SPTLC3: variants seen among roughly 807,000 people sequenced by gnomAD.
SPTLC3 encodes serine palmitoyltransferase 3.
Under a neutral mutation model 59.3 loss-of-function variants are expected in SPTLC3, and 36 were observed. The ratio of observed to expected loss-of-function variants is 0.61; its 90% CI spans 0.47 to 0.80. The LOEUF is 0.80. Among genes scored for constraint, SPTLC3 ranks in the 30% least tolerant of loss-of-function variants. The pLI is 0.00. For synonymous variants in SPTLC3, 257 were observed against 240.8 expected (o/e 1.07, Z -0.62); for missense variants, 625 against 685.1 (o/e 0.91, Z 0.98).
At chr20:13,152,569 C>G (rs2038673306) in intron 9 of SPTLC3, among the ~76,000 whole-genome samples, 1 of 152,160 alleles carries the variant, frequency 6.6e-6, no homozygotes, top group Non-Finnish European at 1.5e-5. Context: ...CAGGTTAGGA[C>G]AAAGATGTAG....
At chr20:13,114,102 C>T (rs778878757) in intron 7 of SPTLC3, among the ~76,000 whole-genome samples, 7 of 152,180 alleles carry the variant, frequency 4.6e-5, no homozygotes, top group Non-Finnish European at 8.8e-5. Context: ...AGAGTCAGCC[C>T]ATGTGTCCAC....
At chr20:13,098,971 G>A (rs1989513868) in intron 6 of SPTLC3, among the ~76,000 whole-genome samples, 2 of 152,256 alleles carry the variant, frequency 1.3e-5, no homozygotes, top group South Asian at 2.1e-4. Context: ...CTGAGCTGCT[G>A]TTGCTCTTCT....
chr20:13,104,431 G>C (rs1340456559), intron 6 of SPTLC3, among the ~76,000 whole-genome samples: 2 of 152,158 alleles, frequency 1.3e-5, no homozygotes, highest in Non-Finnish European at 2.9e-5. Context: ...CCACTCTCTC[G>C]TCTGCCATCA....
chr20:13,167,247 GATTTTAATT>G lies in SPTLC3; in HGVS notation c.*2381_*2389del. The G allele has an allele frequency of 6.9e-6, 1 of 145,718 alleles. No individual in the cohort carries two copies. The highest frequency in any genetic ancestry group is 2.8e-5 in the African/African-American group (1 of 35,952). 9.0% of individuals were successfully genotyped at this position (145,718 alleles called of 1,614,324 possible). A position where few individuals can be genotyped will look rare whatever the true frequency, so the allele number is the denominator to read the frequency against. On this transcript the variant is annotated 3_prime_UTR_variant, in exon 12 of 12. Transcript: ENST00000399002. ...TCAAATGCTAGGCTAATAAGTTCATGATTTTAATTCATGATTTTAATTCATGATTAAAAT... is the reference window on the plus strand; with the variant it reads ...TCAAATGCTAGGCTAATAAGTTCATGCATGATTTTAATTCATGATTAAAAT...
chr20:13,045,253 C>T (rs1040737699), intron 1 of SPTLC3, among the ~76,000 whole-genome samples: 6 of 152,104 alleles, frequency 3.9e-5, no homozygotes, highest in African/African-American at 1.2e-4. Context: ...TCATCCCAAA[C>T]GACTAGATAC....
intron 1 of SPTLC3, among the ~76,000 whole-genome samples, chr20:13,029,836 A>G (rs1986341960): frequency 6.6e-6 from 1 of 152,180 alleles, no homozygotes; most frequent in Non-Finnish European, 1.5e-5. Context: ...GTGCAGCCAC[A>G]CACCAATTCC....
intron 9 of SPTLC3, among the ~76,000 whole-genome samples, chr20:13,132,236 G>A (rs765541036): frequency 7.0e-6 from 1 of 143,724 alleles, no homozygotes; most frequent in African/African-American, 2.6e-5. Flanking sequence ...GAGTGCAGTG[G>A]TGCCATCTCG....
At chr20:13,132,213 G>C (rs1208023813) in intron 9 of SPTLC3, among the ~76,000 whole-genome samples, 1 of 117,170 alleles carries the variant, frequency 8.5e-6, no homozygotes, top group Non-Finnish European at 1.6e-5. Flanking sequence ...GTCTCACTCT[G>C]TCACCCAGGC....
intron 4 of SPTLC3, among the ~76,000 whole-genome samples, chr20:13,090,412 G>T (rs534202649): frequency 3.3e-5 from 5 of 152,250 alleles, no homozygotes; most frequent in Admixed American, 3.3e-4. Flanking sequence ...AGTTTTATTG[G>T]TATCTATGGA....
chr20:13,093,699 T>C lies in SPTLC3; in HGVS notation c.826+122T>C, dbSNP rs1346725963. On this transcript the variant is annotated intron_variant, in intron 6 of 11. Coordinates refer to ENST00000399002, the MANE Select transcript of SPTLC3 (RefSeq NM_018327.4). ...CGTAGCCTCATGAAACACAATTATG[T>C]TTATATTCACTCCTGGCTTGTTAAC... The C allele has an allele frequency of 8.7e-6, 7 of 808,522 alleles. No homozygotes were observed. In the African/African-American group the frequency reaches 1.2e-4, roughly 14 times the overall value. 50.1% of individuals were successfully genotyped at this position (808,522 alleles called of 1,614,324 possible).
intron 1 of SPTLC3, among the ~76,000 whole-genome samples, chr20:13,035,326 G>T (rs1336511396): frequency 2.6e-5 from 4 of 152,138 alleles, no homozygotes; most frequent in Non-Finnish European, 5.9e-5. Context: ...ACTATAAGTT[G>T]TCCTACATAT....
chr20:13,010,603 T>C (rs1171016633), intron 1 of SPTLC3, among the ~76,000 whole-genome samples: 1 of 152,120 alleles, frequency 6.6e-6, no homozygotes, highest in Non-Finnish European at 1.5e-5. Flanking sequence ...CCTGGAGCAA[T>C]GTGAAGAGAA....
intron 9 of SPTLC3, among the ~76,000 whole-genome samples, chr20:13,151,489 C>T (rs1475892584): frequency 6.6e-6 from 1 of 152,214 alleles, no homozygotes; most frequent in Non-Finnish European, 1.5e-5. Context: ...CCATCACAAC[C>T]TGCCTGCTGG....
At chr20:13,077,795 T>C (rs1459861151) in intron 4 of SPTLC3, among the ~76,000 whole-genome samples, 1 of 151,982 alleles carries the variant, frequency 6.6e-6, no homozygotes, top group African/African-American at 2.4e-5. Flanking sequence ...TTTTTTTTTT[T>C]TAAAGAGTTA....
At chr20:13,082,906 C>T (rs1988887247) in intron 4 of SPTLC3, among the ~76,000 whole-genome samples, 3 of 152,186 alleles carry the variant, frequency 2.0e-5, no homozygotes, top group Non-Finnish European at 2.9e-5. Context: ...AGACCAAGGA[C>T]ATCATCAATG....
intron 9 of SPTLC3, among the ~76,000 whole-genome samples, chr20:13,148,835 G>A (rs528617917): frequency 6.6e-6 from 1 of 152,306 alleles, no homozygotes; most frequent in East Asian, 1.9e-4. Context: ...CTGTGAGGTG[G>A]CACTGAGGCT....
At chr20:13,101,319 T>A (rs1182456948) in intron 6 of SPTLC3, among the ~76,000 whole-genome samples, 1 of 152,186 alleles carries the variant, frequency 6.6e-6, no homozygotes, top group Non-Finnish European at 1.5e-5. Flanking sequence ...TTAACACTCT[T>A]AACCACTAGC....
At chr20:13,038,687 C>T (rs1270214690) in intron 1 of SPTLC3, among the ~76,000 whole-genome samples, 1 of 151,948 alleles carries the variant, frequency 6.6e-6, no homozygotes, top group Non-Finnish European at 1.5e-5. Flanking sequence ...TTTCTGTTTG[C>T]TTTAGCTTTA....
intron 6 of SPTLC3, among the ~76,000 whole-genome samples, chr20:13,096,551 T>C (rs1989421712): frequency 6.6e-6 from 1 of 151,938 alleles, no homozygotes. Context: ...CGTGTATACA[T>C]ACTGTCTGAG....
Sources: gnomAD v4.1 joint callset for allele counts (sites outside exome capture counted in the v4.1 genomes callset) on GRCh38, gnomAD v4.1.1 for gene constraint, MANE v1.5 for transcripts, NCBI Gene and HGNC (gene_info 2026-07-23, HGNC 2026-07-21) for gene names.